Variants in ALS2 observed in about 807,000 individuals in gnomAD.
ALS2 encodes alsin Rho guanine nucleotide exchange factor ALS2, also known as alsin.
In ALS2, 117 loss-of-function variants were observed where a neutral mutation model predicts 203.4. The ratio of observed to expected loss-of-function variants is 0.58; its 90% CI spans 0.50 to 0.67. The LOEUF is 0.67. ALS2 is among the 30% of genes least tolerant of loss of function. ALS2 has a pLI of 0.00. For missense variants in ALS2, 1,715 were observed against 1,989.4 expected (o/e 0.86, Z 2.62); for synonymous variants, 718 against 725.9 (o/e 0.99, Z 0.17).
At position 201,710,091 on chromosome 2, in the gene ALS2, C is replaced by A. The variant is rs145201212; in HGVS notation, c.4123-53G>T. ...AGTTGATGTGCATTAACAGCAGAAA[C>A]AATCCATCAACAAGAAACAACTTCA... On this transcript the variant is annotated intron_variant, in intron 26 of 33. Transcript: ENST00000264276. 1,041 of 1,592,788 alleles carry A rather than the reference C, an allele frequency of 6.5e-4. 7 individuals are homozygous for A. In the African/African-American group the frequency reaches 0.012, roughly 18 times the overall value.
At chr2:201,750,067 G>GAGGCAGGAGAATGGCTTGA (rs1291563928) in intron 7 of ALS2, among the ~76,000 whole-genome samples, 1 of 151,920 alleles carries the variant, frequency 6.6e-6, no homozygotes, top group Admixed American at 6.6e-5. Flanking sequence ...TTGGGAGGCT[G>GAGGCAGGAGAATGGCTTGA]AGGCAGGAGA....
rs1694231604 is a variant in ALS2 at position 201,768,777 on chromosome 2, A to G, written c.20+89T>C. On this transcript the variant is annotated intron_variant, in intron 2 of 33. Coordinates refer to ENST00000264276, the MANE Select transcript of ALS2 (RefSeq NM_020919.4). ...TTCCCACTTAACAACCATCAACAAG[A>G]AAATTAAACTGAAGAGAAGCTACAC... The G allele has an allele frequency of 2.3e-6, 3 of 1,313,190 alleles. No homozygotes were observed. The Admixed American group carries it at 5.4e-5, about 24-fold the overall frequency. 81.3% of individuals were successfully genotyped at this position (1,313,190 alleles called of 1,614,324 possible).
At chr2:201,731,229 C>T (rs1691534809) in intron 13 of ALS2, among the ~76,000 whole-genome samples, 1 of 150,844 alleles carries the variant, frequency 6.6e-6, no homozygotes, top group African/African-American at 2.5e-5. Flanking sequence ...AAACATTCTG[C>T]TAGAGTGCTA....
intron 7 of ALS2, among the ~76,000 whole-genome samples, chr2:201,752,400 T>A (rs543371873): frequency 6.6e-6 from 1 of 152,298 alleles, no homozygotes; most frequent in South Asian, 2.1e-4. Context: ...ATTTTGTAAC[T>A]GACCTCCTTC....
intron 1 of ALS2, among the ~76,000 whole-genome samples, chr2:201,771,864 A>G (rs1476859296): frequency 2.0e-5 from 3 of 152,246 alleles, no homozygotes; most frequent in African/African-American, 4.8e-5. Flanking sequence ...CTTCTGTTAC[A>G]GTAACTTTCC....
intron 1 of ALS2, among the ~76,000 whole-genome samples, chr2:201,778,263 G>A (rs957440958): frequency 3.3e-5 from 5 of 152,152 alleles, no homozygotes; most frequent in Admixed American, 6.5e-5. Flanking sequence ...TGGAATTAAT[G>A]AGATGAAAGC....
chr2:201,709,979 A>G lies in ALS2; in HGVS notation c.4182T>C (p.Tyr1394=), dbSNP rs777223273. 1.9e-6 allele frequency: 3 copies of G among 1,614,044 alleles called. No individual in the cohort carries two copies. Among genetic ancestry groups the G allele is most frequent in the East Asian group, 2.2e-5 (1 of 44,876 alleles). ...GRLVETLVAV[Y]RMTYVGVGAN... is the part of the protein sequence containing the mutation. Reference sequence around the variant, plus strand: ...CTCCTACGCCCACGTATGTCATTCTATACACTGCAACCAGTGTCTCCACAA... The same window carrying G: ...CTCCTACGCCCACGTATGTCATTCTGTACACTGCAACCAGTGTCTCCACAA... Residue 1394 remains tyrosine, a synonymous_variant, in exon 27 of 34, where the codon TAT becomes TAC. Transcript: ENST00000264276.
In ALS2 at chr2:201,741,724, C is replaced by T. The variant is rs2106044179; in HGVS notation, c.2301G>A (p.Arg767=). Residue 767 remains arginine (R), a synonymous_variant, in exon 11 of 34, where the codon AGG becomes AGA. Coordinates refer to ENST00000264276, the MANE Select transcript of ALS2 (RefSeq NM_020919.4). ...TTGAATGCTTCAGGATGACCAAACT[C>T]CTGGCTTCCTTTACCCCATGAAGGA... is the stretch of plus-strand genomic sequence containing the variant. ...SSFLHGVKEA[R]SLVILKHSSL... The T allele has an allele frequency of 6.2e-7, 1 of 1,614,110 alleles. No homozygotes were observed. Among genetic ancestry groups the T allele is most frequent in the Non-Finnish European group, 8.5e-7 (1 of 1,180,016 alleles).
Position 201,768,951 on chromosome 2 carries a change from CA to C in ALS2, c.-60-7del, listed in dbSNP as rs1049949282. On this transcript the variant is annotated splice_polypyrimidine_tract_variant and splice_region_variant and intron_variant, in intron 1 of 33. Coordinates refer to ENST00000264276, the MANE Select transcript of ALS2 (RefSeq NM_020919.4). ...TACAGAAAGTCTATCAAGACCTAAACAGTACAAGTAAGGAAAAGAGCAGTAA... is the reference window on the plus strand; with the variant it reads ...TACAGAAAGTCTATCAAGACCTAAACGTACAAGTAAGGAAAAGAGCAGTAA... The C allele has an allele frequency of 8.8e-6, 13 of 1,479,660 alleles. No homozygotes were observed. The African/African-American group carries it at 1.8e-4, about 21-fold the overall frequency. The allele number at this position is 1,479,660 out of a possible 1,614,324, so 91.7% of individuals were successfully genotyped here.
Position 201,727,692 on chromosome 2 carries a change from G to T in ALS2, c.2912+13C>A. ...CTTGGACGGGGTGGGGTGGGGAGGG[G>T]GGACGCACTTACACACCACCAGCTT... is the stretch of plus-strand genomic sequence containing the variant. On this transcript the variant is annotated intron_variant, in intron 16 of 33. Transcript: ENST00000264276. 1 of 1,550,554 alleles carries T rather than the reference G, an allele frequency of 6.4e-7. No individual in the cohort carries two copies. Among genetic ancestry groups the T allele is most frequent in the Non-Finnish European group, 8.7e-7 (1 of 1,146,128 alleles).
chr2:201,715,893 C>G, intron 24 of ALS2, 54 bp from the exon 25 acceptor site: 1 of 1,605,360 alleles, frequency 6.2e-7, no homozygotes, highest in Non-Finnish European at 8.5e-7. Context: ...CAAAATTGTT[C>G]CAAAGAACAG....
intron 25 of ALS2, among the ~76,000 whole-genome samples, chr2:201,711,434 T>C (rs921998810): frequency 2.0e-5 from 3 of 152,174 alleles, no homozygotes; most frequent in Non-Finnish European, 4.4e-5. Flanking sequence ...TTGGAAATAA[T>C]ATGACATTAG....
rs778030657 is a variant in ALS2 at position 201,754,519 on chromosome 2, C to T, written c.1624G>A (p.Gly542Ser). The T allele has an allele frequency of 8.1e-6, 13 of 1,613,884 alleles. No individual in the cohort carries two copies. Among genetic ancestry groups the T allele is most frequent in the East Asian group, 6.7e-5 (3 of 44,882 alleles). The change falls in exon 6 of 34, where the codon GGC (glycine) becomes AGC (serine). Residue 542 changes from glycine (G) to serine (S), a missense_variant. Coordinates refer to ENST00000264276, the MANE Select transcript of ALS2 (RefSeq NM_020919.4). ...GKGKEGQLGHGDVLPRLQPLC... is the reference protein window; with the variant it reads ...GKGKEGQLGHSDVLPRLQPLC... ...AGCGCTTACCTAGGCAGAACATCGC[C>T]GTGCCCCAGCTGCCCTTCCTTCCCT... is the stretch of plus-strand genomic sequence containing the variant.
chr2:201,759,326 A>G (rs1693614047), intron 4 of ALS2: 17 of 866,632 alleles, frequency 2.0e-5, no homozygotes, highest in Non-Finnish European at 2.2e-5. Flanking sequence ...CCCAAGTGAG[A>G]GAGTCTCAGT....
At chr2:201,731,465 C>T (rs559744987) in intron 13 of ALS2, among the ~76,000 whole-genome samples, 1 of 152,024 alleles carries the variant, frequency 6.6e-6, no homozygotes, top group South Asian at 2.1e-4. Flanking sequence ...ATGATGAAAT[C>T]GGTAATAATA....
chr2:201,739,232 T>A (rs1271581797), intron 11 of ALS2, among the ~76,000 whole-genome samples: 1 of 48,138 alleles, frequency 2.1e-5, no homozygotes, highest in Admixed American at 2.9e-4. Context: ...TACGACTGTC[T>A]CCCAAAAAAA....
At chr2:201,777,848 A>G (rs1382672891) in intron 1 of ALS2, among the ~76,000 whole-genome samples, 1 of 152,164 alleles carries the variant, frequency 6.6e-6, no homozygotes. Context: ...AGTATTACAT[A>G]CTTGAGATGT....
At position 201,761,533 on chromosome 2, in the gene ALS2, T is replaced by C. The variant is rs1693768928; in HGVS notation, c.461A>G (p.Gln154Arg). Residue 154 changes from glutamine (Q) to arginine (R), a missense_variant, in exon 4 of 34, where the codon CAG becomes CGG. Gln to Arg is a conservative substitution (Grantham distance 43, BLOSUM62 1). Transcript: ENST00000264276. ...ASPLLAVRIL[Q>R]LACGEEHTLA... ...AGTGTGCTCCTCGCCACACGCCAAC[T>C]GTAAAATCCTGACTGCTAACAAAGG... 1 of 1,614,162 alleles carries C rather than the reference T, an allele frequency of 6.2e-7. No individual in the cohort carries two copies. The highest frequency in any genetic ancestry group is 8.5e-7 in the Non-Finnish European group (1 of 1,179,996).
In ALS2 at chr2:201,704,344, A is replaced by G. The variant is rs1689569272; in HGVS notation, c.4838+110T>C. 8 of 1,510,466 alleles carry G rather than the reference A, an allele frequency of 5.3e-6. No individual in the cohort carries two copies. In the South Asian group the frequency reaches 8.0e-5, roughly 15 times the overall value. The allele number at this position is 1,510,466 out of a possible 1,614,324, so 93.6% of individuals were successfully genotyped here. On this transcript the variant is annotated intron_variant, in intron 32 of 33. Transcript: ENST00000264276. ...GGTAATGTCACAGTGGAATGGGTTA[A>G]TCGATTTTTTTCTAGTGGAAGAGCG... is the stretch of plus-strand genomic sequence containing the variant.
Sources: allele counts gnomAD v4.1 joint callset (sites outside exome capture counted in the v4.1 genomes callset), GRCh38; gene constraint gnomAD v4.1.1; transcripts MANE v1.5; gene names NCBI Gene and HGNC (gene_info 2026-07-23, HGNC 2026-07-21).